The following KCNJ6 variants were observed in gnomAD, a reference collection of about 807,000 sequenced individuals.
KCNJ6 encodes the protein potassium inwardly rectifying channel subfamily J member 6.
A neutral mutation model predicts 34.2 loss-of-function variants in KCNJ6; 9 were observed. That is an observed-to-expected ratio of 0.26 (90% confidence interval 0.16 to 0.46). The LOEUF (loss-of-function observed/expected upper bound fraction) is 0.46. Among genes scored for constraint, KCNJ6 ranks in the 20% least tolerant of loss-of-function variants. The probability of loss-of-function intolerance (pLI) is 1.00; values close to 1 mark genes in which losing one functional copy is unlikely to be tolerated. For synonymous variants in KCNJ6, 196 were observed against 207.1 expected, an observed-to-expected ratio of 0.95 and a Z score of 0.46; for missense variants, 236 against 531.3, an observed-to-expected ratio of 0.44 and a Z score of 5.46.
chr21:37,672,524 AT>A (rs1195032671), intron 3 of KCNJ6, among the ~76,000 whole-genome samples: 4 of 150,878 alleles, frequency 2.7e-5, no homozygotes, highest in East Asian at 1.9e-4. Context: ...GACATCCTCA[AT>A]TTTTTTTTCT....
intron 2 of KCNJ6, among the ~76,000 whole-genome samples, chr21:37,733,201 A>G (rs1053740450): frequency 1.3e-5 from 2 of 152,232 alleles, no homozygotes; most frequent in Admixed American, 6.5e-5. Context: ...TAATTCCTGC[A>G]TCAATAAAAT....
chr21:37,791,424 G>A (rs1443574358), intron 2 of KCNJ6, among the ~76,000 whole-genome samples: 2 of 152,192 alleles, frequency 1.3e-5, no homozygotes, highest in East Asian at 3.8e-4. Context: ...ACATTGAGCT[G>A]GGGCCAGGTT....
intron 1 of KCNJ6, among the ~76,000 whole-genome samples, chr21:37,879,341 G>T (rs2055694929): frequency 6.6e-6 from 1 of 152,130 alleles, no homozygotes; most frequent in Non-Finnish European, 1.5e-5. Flanking sequence ...TGCATTTACT[G>T]GACCCCCTGC....
chr21:37,667,505 C>T (rs976846305), intron 3 of KCNJ6, among the ~76,000 whole-genome samples: 8 of 150,426 alleles, frequency 5.3e-5, no homozygotes, highest in East Asian at 1.9e-4. Context: ...GGGTAGAGGA[C>T]GCTGGGGTAG....
At chr21:37,854,393 C>T (rs1015909891) in intron 1 of KCNJ6, among the ~76,000 whole-genome samples, 1 of 151,786 alleles carries the variant, frequency 6.6e-6, no homozygotes, top group African/African-American at 2.4e-5. Context: ...GTGAAGTAAG[C>T]CAGGCGCAGA....
At position 37,607,482 on chromosome 21, in the gene KCNJ6, A is replaced by ATATATATATATTTTT; in HGVS notation, c.*17676_*17677insAAAAATATATATATA. The ATATATATATATTTTT allele has an allele frequency of 2.1e-3, 286 of 136,736 alleles. 2 individuals are homozygous for ATATATATATATTTTT. The highest frequency in any genetic ancestry group is 0.011 in the South Asian group (46 of 4,154). The allele number at this position is 136,736 out of a possible 1,614,324, so 8.5% of individuals were successfully genotyped here. A position where few individuals can be genotyped will look rare whatever the true frequency, so the allele number is the denominator to read the frequency against. ...CTTAAAGATATATATATATATATAT[A>ATATATATATATTTTT]TTTTTTTTTTATTTTAAAAAAATTT... is the stretch of plus-strand genomic sequence containing the variant. On this transcript the variant is annotated 3_prime_UTR_variant, in exon 4 of 4. Transcript: ENST00000609713.
At chr21:37,708,161 C>T (rs940820904) in intron 3 of KCNJ6, among the ~76,000 whole-genome samples, 3 of 152,154 alleles carry the variant, frequency 2.0e-5, no homozygotes, top group East Asian at 1.9e-4. Context: ...CTTTTTCAAT[C>T]ACAGTAATAT....
chr21:37,787,051 C>T (rs702866), intron 2 of KCNJ6, among the ~76,000 whole-genome samples: 76,415 of 152,004 alleles, frequency 0.5, 19,584 homozygotes, highest in East Asian at 0.61. Flanking sequence ...GTTGATGTTA[C>T]TCATTTTTAC....
At chr21:37,762,232 T>C (rs556519254) in intron 2 of KCNJ6, among the ~76,000 whole-genome samples, 6 of 152,260 alleles carry the variant, frequency 3.9e-5, no homozygotes, top group Admixed American at 1.3e-4. Context: ...TGAGGAGTGT[T>C]TGGGTGTCCC....
chr21:37,826,746 C>G (rs2055400883), intron 2 of KCNJ6, among the ~76,000 whole-genome samples: 2 of 152,020 alleles, frequency 1.3e-5, no homozygotes, highest in South Asian at 4.1e-4. Context: ...ATTTCCAAAT[C>G]TGACAAGAGA....
At chr21:37,753,016 GA>G (rs1331455911) in intron 2 of KCNJ6, among the ~76,000 whole-genome samples, 1 of 152,222 alleles carries the variant, frequency 6.6e-6, no homozygotes, top group Non-Finnish European at 1.5e-5. Flanking sequence ...AGTAAGAAGT[GA>G]AGAGGGCAAG....
chr21:37,867,574 T>C (rs904972567), intron 1 of KCNJ6, among the ~76,000 whole-genome samples: 3 of 152,212 alleles, frequency 2.0e-5, no homozygotes, highest in African/African-American at 7.2e-5. Flanking sequence ...GTATTTGTAC[T>C]TTATATCCTA....
intron 2 of KCNJ6, among the ~76,000 whole-genome samples, chr21:37,820,073 C>A (rs1483420841): frequency 6.6e-6 from 1 of 152,102 alleles, no homozygotes; most frequent in Non-Finnish European, 1.5e-5. Flanking sequence ...CAGATGTGAA[C>A]CACTGTGCCT....
At chr21:37,841,153 C>T (rs2055478871) in intron 1 of KCNJ6, among the ~76,000 whole-genome samples, 1 of 151,810 alleles carries the variant, frequency 6.6e-6, no homozygotes, top group Non-Finnish European at 1.5e-5. Context: ...ATTTCTTTGT[C>T]TTAGTTTTTT....
At chr21:37,761,324 G>A (rs549260790) in intron 2 of KCNJ6, among the ~76,000 whole-genome samples, 651 of 3,340 alleles carry the variant, frequency 0.19, 4 homozygotes, top group African/African-American at 0.42. Context: ...TGTGTCTTGT[G>A]TGTATTAGTG....
rs146310869 is a variant in KCNJ6, at chr21:37,763,817, G to A, written c.26-48686C>T. On this transcript the variant is annotated intron_variant, in intron 2 of 3. Coordinates refer to ENST00000609713, the MANE Select transcript of KCNJ6 (RefSeq NM_002240.5). ...TTTGCTCAGAATGTGGGGGGAGGGGGAAGGGATAGCATTAGGAGATAAACC... is the reference window on the plus strand; with the variant it reads ...TTTGCTCAGAATGTGGGGGGAGGGGAAAGGGATAGCATTAGGAGATAAACC... Among the ~76,000 whole-genome samples, 127 of 152,250 alleles carry A rather than the reference G, an allele frequency of 8.3e-4. No homozygotes were observed. The South Asian group carries it at 0.012, about 14-fold the overall frequency.
chr21:37,751,508 G>T (rs1568834107), intron 2 of KCNJ6, among the ~76,000 whole-genome samples: 1 of 152,176 alleles, frequency 6.6e-6, no homozygotes, highest in Non-Finnish European at 1.5e-5. Flanking sequence ...GAAGTGCAAG[G>T]TTCAACATTC....
chr21:37,826,653 A>G (rs1402154006), intron 2 of KCNJ6, among the ~76,000 whole-genome samples: 2 of 152,172 alleles, frequency 1.3e-5, no homozygotes, highest in African/African-American at 4.8e-5. Context: ...GCAAGGAAGA[A>G]TCGTGTAAAA....
intron 2 of KCNJ6, among the ~76,000 whole-genome samples, chr21:37,721,788 G>A (rs1364486784): frequency 6.6e-6 from 1 of 152,176 alleles, no homozygotes; most frequent in East Asian, 1.9e-4. Flanking sequence ...AGAGAAAGGG[G>A]CACTGGGGAG....
Sources: gnomAD v4.1 joint callset for allele counts (sites outside exome capture counted in the v4.1 genomes callset) on GRCh38, gnomAD v4.1.1 for gene constraint, MANE v1.5 for transcripts, NCBI Gene and HGNC (gene_info 2026-07-23, HGNC 2026-07-21) for gene names.